The following UBP1 variants were observed in gnomAD, a reference collection of about 807,000 sequenced individuals.
UBP1 encodes upstream-binding protein 1.
A neutral mutation model predicts 76.1 loss-of-function variants in UBP1; 22 were observed. The observed-to-expected ratio is 0.29, with a 90% CI of 0.21 to 0.41. The LOEUF (loss-of-function observed/expected upper bound fraction) is 0.41, where lower values mean the gene tolerates loss of function less well. Among genes scored for constraint, UBP1 ranks in the 10% least tolerant of loss-of-function variants. The probability of loss-of-function intolerance (pLI) is 1.00; values close to 1 mark genes in which losing one functional copy is unlikely to be tolerated. For missense variants in UBP1, 436 were observed against 668.1 expected (o/e 0.65, Z 3.83); for synonymous variants, 224 against 237.1 (o/e 0.94, Z 0.51).
intron 1 of UBP1, among the ~76,000 whole-genome samples, chr3:33,426,548 C>T (rs2045021413): frequency 6.6e-6 from 1 of 152,124 alleles, no homozygotes; most frequent in Non-Finnish European, 1.5e-5. Flanking sequence ...ATTTTCTCCC[C>T]TCAAAAAGAA....
chr3:33,432,085 T>C (rs1182105701), intron 1 of UBP1, among the ~76,000 whole-genome samples: 2 of 152,114 alleles, frequency 1.3e-5, no homozygotes, highest in Non-Finnish European at 2.9e-5. Flanking sequence ...CTCAACACTT[T>C]GGGAGGCCGA....
At chr3:33,400,756 G>GT (rs1431708439) in intron 10 of UBP1, among the ~76,000 whole-genome samples, 2 of 152,132 alleles carry the variant, frequency 1.3e-5, no homozygotes, top group Non-Finnish European at 2.9e-5. Context: ...AGTAAATTCA[G>GT]TATTTCGTAG....
chr3:33,392,733 A>G, intron 14 of UBP1, 119 bp from the exon 15 acceptor site: 4 of 910,930 alleles, frequency 4.4e-6, no homozygotes, highest in Non-Finnish European at 6.6e-6. Flanking sequence ...CCAAAACGAT[A>G]ATTCATGAAG....
intron 14 of UBP1, chr3:33,393,099 G>A (rs942671177): frequency 1.9e-6 from 1 of 517,878 alleles, no homozygotes; most frequent in East Asian, 3.4e-5. Flanking sequence ...GCTGGGGGGA[G>A]GCTAAGCCAG....
chr3:33,426,606 C>A (rs1389232515), intron 1 of UBP1, among the ~76,000 whole-genome samples: 2 of 152,200 alleles, frequency 1.3e-5, no homozygotes, highest in Non-Finnish European at 2.9e-5. Context: ...CAGACCCACT[C>A]AGCCCCTGGC....
In UBP1 at chr3:33,431,743, G is replaced by GAA. The variant is rs200249392; in HGVS notation, c.114-6004_114-6003dup. On this transcript the variant is annotated intron_variant, in intron 1 of 15. Coordinates refer to ENST00000283629, the MANE Select transcript of UBP1 (RefSeq NM_014517.5). ...CGACAGAGTGAGACTCCGTCTCAAA[G>GAA]AAAAAAAAAAAAAACGAAAAAAGAC... is the stretch of plus-strand genomic sequence containing the variant. Among the ~76,000 whole-genome samples the GAA allele has an allele frequency of 5.2e-3, 593 of 114,550 alleles. 6 individuals are homozygous for GAA. The highest frequency in any genetic ancestry group is 0.017 in the African/African-American group (559 of 33,272). The allele number at this position is 114,550 out of a possible 152,430, so 75.1% of individuals were successfully genotyped here. A position where few individuals can be genotyped will look rare whatever the true frequency, so the allele number is the denominator to read the frequency against.
chr3:33,431,227 A>G (rs181707291), intron 1 of UBP1, among the ~76,000 whole-genome samples: 412 of 152,308 alleles, frequency 2.7e-3, no homozygotes, highest in Non-Finnish European at 5.1e-3. Context: ...GAAAATGAAG[A>G]AGTTAAGAAG....
chr3:33,411,629 C>T lies in UBP1; in HGVS notation c.507G>A (p.Ala169=), dbSNP rs375046344. The T allele has an allele frequency of 1.0e-4, 166 of 1,613,994 alleles. No individual in the cohort carries two copies. The highest frequency in any genetic ancestry group is 3.3e-4 in the Middle Eastern group (2 of 6,082). The change falls in exon 5 of 16, where the codon GCG becomes GCA. Residue 169 remains alanine, a synonymous_variant. Coordinates refer to ENST00000283629, the MANE Select transcript of UBP1 (RefSeq NM_014517.5). The part of the protein sequence containing the change: ...DTRTNPSQLN[A]VEFLWDPAKR... The stretch of plus-strand genomic sequence containing the variant: ...TTGCTGGGTCCCACAGAAATTCAAC[C>T]GCATTTAACTGGCTTGGATTCGTCC...
At chr3:33,400,475 TAA>T (rs35268943) in intron 10 of UBP1, among the ~76,000 whole-genome samples, 193 bp from the exon 11 acceptor site, 1 of 151,960 alleles carries the variant, frequency 6.6e-6, no homozygotes, top group Non-Finnish European at 1.5e-5. Flanking sequence ...TATTCAGCCA[TAA>T]AAAAAGAGAA....
At chr3:33,398,675 G>A (rs908707147) in intron 11 of UBP1, among the ~76,000 whole-genome samples, 1 of 152,210 alleles carries the variant, frequency 6.6e-6, no homozygotes, top group Non-Finnish European at 1.5e-5. Flanking sequence ...TAAGGAAAAG[G>A]CAGAAGGCCA....
chr3:33,441,148 C>G (rs2045296071), upstream of UBP1: 2 of 152,290 alleles, frequency 1.3e-5, no homozygotes, highest in South Asian at 4.1e-4. Context: ...CTACGCTGCT[C>G]AGAAGGCCCG....
intron 1 of UBP1, among the ~76,000 whole-genome samples, chr3:33,434,442 C>A (rs2045170424): frequency 6.6e-6 from 1 of 151,328 alleles, no homozygotes. Flanking sequence ...CGATTACACG[C>A]ATGCGCTACC....
intron 4 of UBP1, among the ~76,000 whole-genome samples, chr3:33,412,240 C>G (rs897063424): frequency 6.8e-6 from 1 of 146,674 alleles, no homozygotes; most frequent in Non-Finnish European, 1.5e-5. Flanking sequence ...GTTTCAAAAT[C>G]ATAAAATTCC....
chr3:33,420,264 T>C (rs1355508236), intron 2 of UBP1, among the ~76,000 whole-genome samples: 18 of 152,236 alleles, frequency 1.2e-4, no homozygotes, highest in Admixed American at 5.9e-4. Context: ...CTGAAATATT[T>C]AACGGAATTC....
At chr3:33,411,421 G>A (rs888344426) in intron 5 of UBP1, among the ~76,000 whole-genome samples, 160 bp downstream of exon 5, 14 of 151,770 alleles carry the variant, frequency 9.2e-5, no homozygotes, top group Non-Finnish European at 2.1e-4. Context: ...TTTAAAATAG[G>A]GTGAACTTAC....
intron 1 of UBP1, among the ~76,000 whole-genome samples, chr3:33,426,260 G>C (rs763257320): frequency 6.6e-6 from 1 of 151,800 alleles, no homozygotes; most frequent in African/African-American, 2.4e-5. Flanking sequence ...AGAACATGAA[G>C]CTTCATGCCT....
In UBP1 at chr3:33,400,012, T is replaced by A. The variant is rs540890037; in HGVS notation, c.1180+177A>T. On this transcript the variant is annotated intron_variant, in intron 11 of 15. Transcript: ENST00000283629. ...TCAACTGCCTGGCTTCAATAGCATATAATAAAAATACAAGATATTCCTATT... is the reference window on the plus strand; with the variant it reads ...TCAACTGCCTGGCTTCAATAGCATAAAATAAAAATACAAGATATTCCTATT... Among the ~76,000 whole-genome samples the A allele has an allele frequency of 1.9e-4, 29 of 152,320 alleles. No homozygotes were observed. The South Asian group carries it at 6.0e-3, about 32-fold the overall frequency.
chr3:33,404,352 C>T (rs1237255922), intron 8 of UBP1, among the ~76,000 whole-genome samples: 2 of 152,036 alleles, frequency 1.3e-5, no homozygotes, highest in Middle Eastern at 6.8e-3. Context: ...GCGGGGGTTG[C>T]AGTGAGCCGA....
At chr3:33,405,078 A>G (rs1268893457) in intron 8 of UBP1, among the ~76,000 whole-genome samples, 1 of 152,228 alleles carries the variant, frequency 6.6e-6, no homozygotes, top group Non-Finnish European at 1.5e-5. Context: ...TTTAAAAATT[A>G]AATTTCAATT....
Sources: allele counts gnomAD v4.1 joint callset (sites outside exome capture counted in the v4.1 genomes callset), GRCh38; gene constraint gnomAD v4.1.1; transcripts MANE v1.5; gene names NCBI Gene and HGNC (gene_info 2026-07-23, HGNC 2026-07-21).